DIP2C: variants seen among roughly 807,000 people sequenced by gnomAD.
DIP2C encodes the protein DIP2 acetate--CoA ligase C (putative), also known as disco-interacting protein 2 homolog C.
Under a neutral mutation model 192.4 loss-of-function variants are expected in DIP2C, and 33 were observed. The ratio of observed to expected loss-of-function variants is 0.17; its 90% CI spans 0.13 to 0.23. The LOEUF (loss-of-function observed/expected upper bound fraction) is 0.23. Ranked by LOEUF, DIP2C falls within the 10% of genes least tolerant of loss-of-function variation. The pLI, the probability that DIP2C is intolerant of heterozygous loss-of-function variation, is 1.00. For missense variants in DIP2C, 1,537 were observed against 2,110.1 expected (o/e 0.73, Z 5.32); for synonymous variants, 979 against 864.1 (o/e 1.13, Z -2.33).
intron 31 of DIP2C, among the ~76,000 whole-genome samples, chr10:320,786 G>A (rs138697344): frequency 1.2e-3 from 179 of 152,276 alleles, no homozygotes; most frequent in African/African-American, 3.9e-3. Flanking sequence ...AAAAAACTGT[G>A]TTCTGTAAAA....
intron 3 of DIP2C, among the ~76,000 whole-genome samples, chr10:453,473 G>A (rs573568580): frequency 2.0e-5 from 3 of 152,332 alleles, no homozygotes; most frequent in East Asian, 3.8e-4. Context: ...AACGATAGGA[G>A]AAAATAATCT....
intron 2 of DIP2C, among the ~76,000 whole-genome samples, chr10:473,360 T>C (rs1278656771): frequency 1.3e-5 from 2 of 152,228 alleles, no homozygotes; most frequent in Non-Finnish European, 2.9e-5. Flanking sequence ...CACAGTTCCA[T>C]GAACAGCTCT....
At chr10:326,397 G>A (rs1487053148) in intron 31 of DIP2C, among the ~76,000 whole-genome samples, 1 of 152,070 alleles carries the variant, frequency 6.6e-6, no homozygotes, top group African/African-American at 2.4e-5. Flanking sequence ...TAGGGGGTGG[G>A]GAGAGGGAGG....
intron 1 of DIP2C, among the ~76,000 whole-genome samples, chr10:531,886 C>CA (rs1847390938): frequency 6.6e-6 from 1 of 152,240 alleles, no homozygotes; most frequent in Non-Finnish European, 1.5e-5. Flanking sequence ...CCAGCTCCAG[C>CA]ACAACTACCA....
At chr10:587,883 A>G (rs1324431650) in intron 1 of DIP2C, among the ~76,000 whole-genome samples, 63 of 28,914 alleles carry the variant, frequency 2.2e-3, no homozygotes, top group African/African-American at 6.4e-3. Context: ...CACACCAGGC[A>G]CTGCCTCAGC....
At chr10:447,697 G>C (rs112973986) in intron 3 of DIP2C, among the ~76,000 whole-genome samples, 3 of 122,202 alleles carry the variant, frequency 2.5e-5, no homozygotes, top group South Asian at 2.5e-4. Context: ...ACACACAGTG[G>C]GGCAGCAGGA....
chr10:672,198 A>G (rs530621160), intron 1 of DIP2C, among the ~76,000 whole-genome samples: 14 of 151,332 alleles, frequency 9.3e-5, no homozygotes, highest in African/African-American at 2.2e-4. Context: ...CACACGGACG[A>G]AAGAAACACC....
intron 1 of DIP2C, among the ~76,000 whole-genome samples, chr10:658,200 C>CCTGGACCTCACA (rs1856519860): frequency 6.8e-6 from 1 of 146,626 alleles, no homozygotes; most frequent in African/African-American, 2.6e-5. Flanking sequence ...TGGACCTGTC[C>CCTGGACCTCACA]CTGGACCTGC....
chr10:595,918 G>T (rs1410065897), intron 1 of DIP2C, among the ~76,000 whole-genome samples: 2 of 152,210 alleles, frequency 1.3e-5, no homozygotes, highest in African/African-American at 2.4e-5. Context: ...TAACTGTTCT[G>T]ATTAGAAAGC....
intron 1 of DIP2C, among the ~76,000 whole-genome samples, chr10:657,778 A>T (rs1417107525): frequency 8.8e-6 from 1 of 114,000 alleles, no homozygotes; most frequent in Non-Finnish European, 1.8e-5. Context: ...GCTTGACCTG[A>T]TGCTGGACCT....
At chr10:593,512 A>G (rs816617) in intron 1 of DIP2C, among the ~76,000 whole-genome samples, 113,820 of 116,604 alleles carry the variant, frequency 0.98, 55,625 homozygotes, top group Middle Eastern at 1. Context: ...CTTTCTGGAG[A>G]AATCAGCTGG....
intron 1 of DIP2C, among the ~76,000 whole-genome samples, chr10:654,452 A>G (rs116084082): frequency 0.011 from 1,708 of 152,348 alleles, 28 homozygotes; most frequent in African/African-American, 0.039. Context: ...TACAATGCAC[A>G]GTATTTATAG....
intron 2 of DIP2C, among the ~76,000 whole-genome samples, chr10:475,040 C>T (rs768718989): frequency 8.5e-5 from 13 of 152,132 alleles, no homozygotes; most frequent in Non-Finnish European, 1.3e-4. Flanking sequence ...TTCGTTTGCC[C>T]GAAGAGCCCT....
At chr10:640,001 A>C (rs903302122) in intron 1 of DIP2C, among the ~76,000 whole-genome samples, 14 of 146,698 alleles carry the variant, frequency 9.5e-5, no homozygotes, top group Admixed American at 3.4e-4. Flanking sequence ...GGGCCTGTGC[A>C]TGTCCCTCCA....
Position 357,806 on chromosome 10 carries a change from G to A in DIP2C, c.2904+22C>T, listed in dbSNP as rs117671740. On this transcript the variant is annotated intron_variant, in intron 23 of 36. Coordinates refer to ENST00000280886, the MANE Select transcript of DIP2C (RefSeq NM_014974.3). ...CGGAAAAGTCGGGGACGGTCGGGGA[G>A]ACTCAGGGACCCAGCTCCTACCTTG... 8.4e-3 allele frequency: 13,295 copies of A among 1,585,426 alleles called. 83 individuals are homozygous for A. Among genetic ancestry groups the A allele is most frequent in the Non-Finnish European group, 9.2e-3 (10,695 of 1,156,360 alleles).
At chr10:347,374 A>AT (rs1213702560) in intron 26 of DIP2C, among the ~76,000 whole-genome samples, 1 of 141,824 alleles carries the variant, frequency 7.1e-6, no homozygotes, top group Non-Finnish European at 1.5e-5. Flanking sequence ...CACATCGCGC[A>AT]TAGTTCTCCC....
At chr10:612,340 AAATATATCAGCT>A (rs1267283099) in intron 1 of DIP2C, among the ~76,000 whole-genome samples, 1 of 152,198 alleles carries the variant, frequency 6.6e-6, no homozygotes. Context: ...CACCGATGTC[AAATATATCAGCT>A]AAAAGAAAAA....
chr10:477,760 A>G (rs1307295638), intron 2 of DIP2C, among the ~76,000 whole-genome samples: 5 of 101,102 alleles, frequency 4.9e-5, no homozygotes, highest in Non-Finnish European at 1.1e-4. Flanking sequence ...AAAAGGAGAG[A>G]GAAGAAAAAG....
chr10:526,028 T>C (rs1169442475), intron 1 of DIP2C, among the ~76,000 whole-genome samples: 3 of 152,216 alleles, frequency 2.0e-5, no homozygotes, highest in Non-Finnish European at 4.4e-5. Flanking sequence ...TGGCGTGGAT[T>C]TTCCTTAATT....
Sources: allele counts gnomAD v4.1 joint callset (sites outside exome capture counted in the v4.1 genomes callset), GRCh38; gene constraint gnomAD v4.1.1; transcripts MANE v1.5; gene names NCBI Gene and HGNC (gene_info 2026-07-23, HGNC 2026-07-21).